Variants in DHX35 observed in about 807,000 individuals in gnomAD.
The protein encoded by DHX35 is probable ATP-dependent RNA helicase DHX35.
Under a neutral mutation model 99.6 loss-of-function variants are expected in DHX35, and 84 were observed. That is an observed-to-expected ratio of 0.84 (90% CI 0.71 to 1.01). The LOEUF is 1.01. Among genes scored for constraint, DHX35 ranks in the 50% least tolerant of loss-of-function variants. DHX35 has a pLI of 0.00. For synonymous variants in DHX35, 331 were observed against 316.2 expected, an observed-to-expected ratio of 1.05 and a Z score of -0.50; for missense variants, 852 against 888.5, an observed-to-expected ratio of 0.96 and a Z score of 0.52.
chr20:38,991,972 CTG>C (rs2086345626), intron 6 of DHX35, among the ~76,000 whole-genome samples: 1 of 152,182 alleles, frequency 6.6e-6, no homozygotes, highest in South Asian at 2.1e-4. Flanking sequence ...TGTGTCACAA[CTG>C]TAGTCAGCTA....
chr20:39,037,504 T>G (rs2087174112), intron 21 of DHX35, among the ~76,000 whole-genome samples: 1 of 152,114 alleles, frequency 6.6e-6, no homozygotes, highest in Non-Finnish European at 1.5e-5. Flanking sequence ...GCGCTGTGTC[T>G]TCGTTCACGC....
intron 14 of DHX35, among the ~76,000 whole-genome samples, chr20:39,015,271 A>G (rs1458818018): frequency 6.6e-6 from 1 of 152,164 alleles, no homozygotes; most frequent in Non-Finnish European, 1.5e-5. Flanking sequence ...TCTCCACCCA[A>G]CAACCACATC....
intron 3 of DHX35, among the ~76,000 whole-genome samples, chr20:38,975,535 T>A (rs2086063168): frequency 6.6e-6 from 1 of 152,124 alleles, no homozygotes; most frequent in Non-Finnish European, 1.5e-5. Flanking sequence ...TAGAGAGTAA[T>A]GAGGTTATGG....
chr20:39,038,859 T>C lies in DHX35; in HGVS notation c.*316T>C. On this transcript the variant is annotated 3_prime_UTR_variant, in exon 22 of 22. Coordinates refer to ENST00000252011, the MANE Select transcript of DHX35 (RefSeq NM_021931.4). The stretch of plus-strand genomic sequence containing the variant: ...GGCATGCAGTCCTGGCCCAGCTCTA[T>C]GGGAAACAAGGAGGAAAGTTAGCCA... The C allele has an allele frequency of 2.5e-6, 1 of 400,586 alleles. No individual in the cohort carries two copies. Among genetic ancestry groups the C allele is most frequent in the Non-Finnish European group, 4.6e-6 (1 of 219,704 alleles). 24.8% of individuals were successfully genotyped at this position (400,586 alleles called of 1,614,324 possible). A position where few individuals can be genotyped will look rare whatever the true frequency, so the allele number is the denominator to read the frequency against.
At chr20:38,994,285 G>A (rs1568731622) in intron 7 of DHX35, among the ~76,000 whole-genome samples, 2 of 150,476 alleles carry the variant, frequency 1.3e-5, no homozygotes, top group Admixed American at 6.6e-5. Context: ...GATAGATGGG[G>A]AAAAAAAAAT....
intron 1 of DHX35, among the ~76,000 whole-genome samples, chr20:38,968,700 G>A (rs994035004): frequency 2.0e-5 from 3 of 152,102 alleles, no homozygotes; most frequent in Middle Eastern, 3.4e-3. Flanking sequence ...GACACACACC[G>A]CCATGCACGC....
chr20:38,989,594 T>G lies in DHX35; in HGVS notation c.450+677T>G, dbSNP rs1398099170. On this transcript the variant is annotated intron_variant, in intron 5 of 21. Transcript: ENST00000252011. ...CAAAGCTGTCTTTTCTTATGTGTATTTTATTGTATTTTCACTGACTCAAAT... is the reference window on the plus strand; with the variant it reads ...CAAAGCTGTCTTTTCTTATGTGTATGTTATTGTATTTTCACTGACTCAAAT... Among the ~76,000 whole-genome samples, 7 of 152,288 alleles carry G rather than the reference T, an allele frequency of 4.6e-5. No individual in the cohort carries two copies. In the East Asian group the frequency reaches 1.4e-3, roughly 29 times the overall value.
chr20:38,983,629 G>A (rs1282034777), intron 3 of DHX35, 70 bp from the exon 4 acceptor site: 2 of 1,271,032 alleles, frequency 1.6e-6, no homozygotes, highest in Admixed American at 1.8e-5. Flanking sequence ...CACAATACGG[G>A]AGCATCTTGG....
At chr20:38,979,676 T>C (rs2145851715) in intron 3 of DHX35, among the ~76,000 whole-genome samples, 1 of 152,310 alleles carries the variant, frequency 6.6e-6, no homozygotes, top group East Asian at 1.9e-4. Context: ...TTGGAATGGC[T>C]GAGGAACTAA....
intron 3 of DHX35, among the ~76,000 whole-genome samples, chr20:38,981,337 T>C (rs897589728): frequency 1.3e-5 from 2 of 152,336 alleles, no homozygotes; most frequent in African/African-American, 2.4e-5. Flanking sequence ...TTAAATGTAA[T>C]TTTCTGTAAG....
At chr20:38,997,874 C>A (rs539179413) in intron 8 of DHX35, among the ~76,000 whole-genome samples, 1 of 152,090 alleles carries the variant, frequency 6.6e-6, no homozygotes, top group East Asian at 1.9e-4. Flanking sequence ...GATCTAGAGG[C>A]GTAGGGAAGT....
At chr20:38,982,132 C>G (rs1473444090) in intron 3 of DHX35, among the ~76,000 whole-genome samples, 1 of 152,104 alleles carries the variant, frequency 6.6e-6, no homozygotes, top group African/African-American at 2.4e-5. Flanking sequence ...TGAGTTTATG[C>G]AAATGCTTCT....
chr20:39,008,621 C>T (rs1294394137), intron 12 of DHX35, among the ~76,000 whole-genome samples: 1 of 152,180 alleles, frequency 6.6e-6, no homozygotes, highest in African/African-American at 2.4e-5. Context: ...CAGGAGCCTC[C>T]AGAAAGTATT....
rs1051541983 is a variant in DHX35 at position 39,004,163 on chromosome 20, C to T, written c.1011+256C>T. Among the ~76,000 whole-genome samples the T allele has an allele frequency of 3.3e-5, 5 of 152,086 alleles. No homozygotes were observed. The East Asian group carries it at 5.8e-4, about 18-fold the overall frequency. ...CTGCAAGCTCTGCCTCCCGGGTTCA[C>T]GCCATTCTCCTGCCTCAGCCTCCTG... On this transcript the variant is annotated intron_variant, in intron 11 of 21. Coordinates refer to ENST00000252011, the MANE Select transcript of DHX35 (RefSeq NM_021931.4).
chr20:39,028,352 A>G, intron 18 of DHX35, 66 bp from the exon 19 acceptor site: 1 of 1,489,654 alleles, frequency 6.7e-7, no homozygotes, highest in Non-Finnish European at 9.4e-7. Context: ...GATCCTGTGC[A>G]TTAGAGCACA....
chr20:38,985,400 TAAAG>T (rs1381895041), intron 4 of DHX35, among the ~76,000 whole-genome samples: 1 of 148,536 alleles, frequency 6.7e-6, no homozygotes, highest in Non-Finnish European at 1.5e-5. Context: ...AAAAAAGGCT[TAAAG>T]AAAAGGAAGT....
intron 4 of DHX35, among the ~76,000 whole-genome samples, chr20:38,986,560 A>T (rs2086252218): frequency 1.3e-5 from 2 of 152,106 alleles, no homozygotes; most frequent in African/African-American, 4.8e-5. Flanking sequence ...ATATATATTT[A>T]TGTATGCTCA....
intron 14 of DHX35, 115 bp downstream of exon 14, chr20:39,015,049 CAT>C: frequency 8.5e-7 from 1 of 1,177,666 alleles, no homozygotes; most frequent in Non-Finnish European, 1.3e-6. Flanking sequence ...TGGTTCTCCC[CAT>C]ATATATAATC....
chr20:39,031,636 C>T (rs1175024011), intron 20 of DHX35, among the ~76,000 whole-genome samples: 2 of 152,186 alleles, frequency 1.3e-5, no homozygotes, highest in East Asian at 3.9e-4. Flanking sequence ...TGTACCCGGC[C>T]CCAGCCCACA....
Sources: allele counts gnomAD v4.1 joint callset (sites outside exome capture counted in the v4.1 genomes callset), GRCh38; gene constraint gnomAD v4.1.1; transcripts MANE v1.5; gene names NCBI Gene and HGNC (gene_info 2026-07-23, HGNC 2026-07-21).